The following GABPB1 variants were observed in gnomAD, a reference collection of about 807,000 sequenced individuals.
The protein encoded by GABPB1 is GA binding protein transcription factor subunit beta 1, also known as GA-binding protein subunit beta-1.
In GABPB1, 15 loss-of-function variants were observed where a neutral mutation model predicts 45.9. The ratio of observed to expected loss-of-function variants is 0.33; its 90% CI spans 0.22 to 0.50. The LOEUF is 0.50. GABPB1 is among the 20% of genes least tolerant of loss of function. The pLI is 0.98. For missense variants in GABPB1, 252 were observed against 457.5 expected, an observed-to-expected ratio of 0.55 and a Z score of 4.10; for synonymous variants, 143 against 154.4, an observed-to-expected ratio of 0.93 and a Z score of 0.55.
Position 50,277,039 on chromosome 15 carries a change from C to G in GABPB1, c.*1593G>C, listed in dbSNP as rs540912255. The G allele has an allele frequency of 2.6e-5, 4 of 152,228 alleles. No individual in the cohort carries two copies. In the South Asian group the frequency reaches 6.2e-4, roughly 24 times the overall value. The allele number at this position is 152,228 out of a possible 1,614,324, so 9.4% of individuals were successfully genotyped here. ...CTTTTTTAAGTGCTTCCAATAGTAA[C>G]CATCAGGCTGACAGACCATAGACCC... On this transcript the variant is annotated 3_prime_UTR_variant, in exon 9 of 9. Coordinates refer to ENST00000380877, the MANE Select transcript of GABPB1 (RefSeq NM_016654.5).
At chr15:50,305,134 A>C (rs2046897883) in intron 2 of GABPB1, among the ~76,000 whole-genome samples, 2 of 152,166 alleles carry the variant, frequency 1.3e-5, no homozygotes, top group African/African-American at 4.8e-5. Context: ...AGGCACAGAA[A>C]ATCCCTATAA....
chr15:50,290,459 T>C (rs1489319121), intron 6 of GABPB1, among the ~76,000 whole-genome samples: 4 of 151,846 alleles, frequency 2.6e-5, no homozygotes. Flanking sequence ...GGACTGGTGG[T>C]GCATGCCTAT....
intron 3 of GABPB1, 58 bp from the exon 4 acceptor site, chr15:50,303,181 G>A (rs1350624216): frequency 2.3e-6 from 3 of 1,328,610 alleles, no homozygotes; most frequent in Non-Finnish European, 3.1e-6. Flanking sequence ...AAAAATTCCT[G>A]ATATGAAATT....
intron 2 of GABPB1, among the ~76,000 whole-genome samples, chr15:50,309,381 C>A (rs2047052450): frequency 6.6e-6 from 1 of 152,118 alleles, no homozygotes; most frequent in Non-Finnish European, 1.5e-5. Context: ...TAAATTCTAC[C>A]TGTGCTATTT....
intron 1 of GABPB1, among the ~76,000 whole-genome samples, chr15:50,320,482 T>C (rs1567522302): frequency 6.6e-6 from 1 of 152,208 alleles, no homozygotes; most frequent in Non-Finnish European, 1.5e-5. Flanking sequence ...CTCTTGTTTT[T>C]TCAGTGAAAT....
At chr15:50,326,825 C>T (rs998579017) in intron 1 of GABPB1, among the ~76,000 whole-genome samples, 3 of 150,292 alleles carry the variant, frequency 2.0e-5, no homozygotes, top group South Asian at 2.1e-4. Context: ...AAGAGCAAGA[C>T]CCCCGTCTTT....
At chr15:50,351,719 G>T (rs996081510) in intron 1 of GABPB1, 5 of 152,002 alleles carry the variant, frequency 3.3e-5, no homozygotes, top group Non-Finnish European at 2.9e-5. Flanking sequence ...CCCACCAACT[G>T]AACTGACAGC....
chr15:50,295,914 G>A lies in GABPB1; in HGVS notation c.697+4875C>T, dbSNP rs1400168577. On this transcript the variant is annotated intron_variant, in intron 6 of 8. Transcript: ENST00000380877. ...TCAAGAAAAGACAGAGGTATCATTT[G>A]ATTTCTCAATGAAAATATTATAATA... Among the ~76,000 whole-genome samples the A allele has an allele frequency of 2.6e-5, 4 of 152,166 alleles. No homozygotes were observed. In the East Asian group the frequency reaches 7.7e-4, roughly 29 times the overall value.
rs542973592 is a variant in GABPB1, at chr15:50,305,388, TG to T, written c.109-1256del. ...CAGGGCCTCACTGTGTTGCCCAGGC[TG>T]GGGTGCAATGGATATTCATAGGTAC... On this transcript the variant is annotated intron_variant, in intron 2 of 8. Transcript: ENST00000380877. Among the ~76,000 whole-genome samples the T allele has an allele frequency of 1.9e-4, 29 of 152,264 alleles. No homozygotes were observed. The East Asian group carries it at 5.2e-3, about 27-fold the overall frequency.
chr15:50,281,499 CTG>C (rs1326259010), intron 8 of GABPB1, among the ~76,000 whole-genome samples: 5 of 152,224 alleles, frequency 3.3e-5, no homozygotes, highest in South Asian at 2.1e-4. Flanking sequence ...GCGTGAGCCA[CTG>C]CGCCCGGCCT....
At chr15:50,303,232 AATTATT>A (rs2046820390) in intron 3 of GABPB1, 109 bp from the exon 4 acceptor site, 1 of 816,794 alleles carries the variant, frequency 1.2e-6, no homozygotes, top group Admixed American at 2.7e-5. Context: ...TAATGTAGTC[AATTATT>A]TATATGTATA....
At chr15:50,297,383 T>C (rs1169306995) in intron 6 of GABPB1, among the ~76,000 whole-genome samples, 1 of 152,024 alleles carries the variant, frequency 6.6e-6, no homozygotes, top group Non-Finnish European at 1.5e-5. Context: ...CAGCTAATTT[T>C]TGTGTTTTTA....
rs573729806 is a variant in GABPB1, at chr15:50,353,589, C to A, written c.-1+1396G>T. The A allele has an allele frequency of 9.2e-4, 137 of 149,272 alleles. 1 individual carries two copies. The highest frequency in any genetic ancestry group is 2.9e-3 in the East Asian group (15 of 5,122). The allele number at this position is 149,272 out of a possible 1,614,324, so 9.2% of individuals were successfully genotyped here. ...ATTTTTTGTTTTTGGAAAAAAAAAACCAAGAGAAAAGAAAATAAAGTCATC... is the reference window on the plus strand; with the variant it reads ...ATTTTTTGTTTTTGGAAAAAAAAAAACAAGAGAAAAGAAAATAAAGTCATC... On this transcript the variant is annotated intron_variant, in intron 1 of 8. Coordinates refer to ENST00000380877, the MANE Select transcript of GABPB1 (RefSeq NM_016654.5).
At position 50,316,585 on chromosome 15, in the gene GABPB1, T is replaced by C. The variant is rs912294036; in HGVS notation, c.1-6787A>G. 4.1e-5 allele frequency among the ~76,000 whole-genome samples: 6 copies of C among 145,084 alleles called. No individual in the cohort carries two copies. In the East Asian group the frequency reaches 7.7e-4, roughly 19 times the overall value. Reference sequence around the variant, plus strand: ...CCTAAAGATTTTCTCCACTCCAATTTTGTATTACACACACATCCCTACACA... The same window carrying C: ...CCTAAAGATTTTCTCCACTCCAATTCTGTATTACACACACATCCCTACACA... On this transcript the variant is annotated intron_variant, in intron 1 of 8. Coordinates refer to ENST00000380877, the MANE Select transcript of GABPB1 (RefSeq NM_016654.5).
intron 8 of GABPB1, among the ~76,000 whole-genome samples, chr15:50,280,425 G>A (rs2045937122): frequency 6.6e-6 from 1 of 152,204 alleles, no homozygotes; most frequent in South Asian, 2.1e-4. Flanking sequence ...CACAGCTCTG[G>A]CAGGAGTGTC....
intron 1 of GABPB1, among the ~76,000 whole-genome samples, chr15:50,317,801 C>T (rs978659822): frequency 2.7e-4 from 41 of 151,370 alleles, no homozygotes; most frequent in Non-Finnish European, 4.4e-4. Flanking sequence ...CCCAGCTACT[C>T]GGGAGGCTGA....
intron 8 of GABPB1, among the ~76,000 whole-genome samples, chr15:50,284,806 A>G (rs913352180): frequency 5.3e-5 from 8 of 152,170 alleles, no homozygotes; most frequent in Non-Finnish European, 1.0e-4. Flanking sequence ...AAAACAACAA[A>G]AATTATTAAA....
chr15:50,312,941 A>T (rs1216500004), intron 1 of GABPB1, among the ~76,000 whole-genome samples: 1 of 151,752 alleles, frequency 6.6e-6, no homozygotes, highest in Non-Finnish European at 1.5e-5. Flanking sequence ...AAGTATTATA[A>T]ATATCTCTGT....
At position 50,278,108 on chromosome 15, in the gene GABPB1, T is replaced by TA. The variant is rs1195108536; in HGVS notation, c.*523dup. 2 of 152,610 alleles carry TA rather than the reference T, an allele frequency of 1.3e-5. No homozygotes were observed. The highest frequency in any genetic ancestry group is 2.9e-5 in the Non-Finnish European group (2 of 68,014). The allele number at this position is 152,610 out of a possible 1,614,324, so 9.5% of individuals were successfully genotyped here. A position where few individuals can be genotyped will look rare whatever the true frequency, so the allele number is the denominator to read the frequency against. On this transcript the variant is annotated 3_prime_UTR_variant, in exon 9 of 9. Coordinates refer to ENST00000380877, the MANE Select transcript of GABPB1 (RefSeq NM_016654.5). ...GGGTATAGCTGAAATTGAACAAATA[T>TA]AAAAATTTTGCTTTCTAAAAAATGT...
Sources: gnomAD v4.1 joint callset for allele counts (sites outside exome capture counted in the v4.1 genomes callset) on GRCh38, gnomAD v4.1.1 for gene constraint, MANE v1.5 for transcripts, NCBI Gene and HGNC (gene_info 2026-07-23, HGNC 2026-07-21) for gene names.